Variants in LRP1B observed in about 807,000 individuals in gnomAD.
LRP1B encodes the protein low-density lipoprotein receptor-related protein 1B.
LRP1B carries 217 observed loss-of-function variants against 556.6 expected under a neutral mutation model. The observed-to-expected ratio is 0.39, with a 90% CI of 0.35 to 0.44. The LOEUF is 0.44. LRP1B is among the 20% of genes least tolerant of loss of function. The pLI is 1.00. For synonymous variants in LRP1B, 2,047 were observed against 1,865.8 expected (o/e 1.10, Z -2.50); for missense variants, 5,053 against 5,620.8 (o/e 0.90, Z 3.23).
At chr2:140,246,668 AGTCT>A (rs1322958812) in intron 87 of LRP1B, among the ~76,000 whole-genome samples, 16 of 151,498 alleles carry the variant, frequency 1.1e-4, no homozygotes, top group South Asian at 2.1e-4. Flanking sequence ...TAACCAATAA[AGTCT>A]GTCTTTCTCC....
At chr2:141,053,043 T>C (rs1441559146) in intron 10 of LRP1B, among the ~76,000 whole-genome samples, 1 of 152,062 alleles carries the variant, frequency 6.6e-6, no homozygotes, top group East Asian at 1.9e-4. Flanking sequence ...ATGTATGTTT[T>C]AAATAAGAAT....
rs760093928 is a variant in LRP1B at position 140,475,128 on chromosome 2, C to T, written c.9625+10G>A. ...GTAAAATACTAGAATATTTATGTTA[C>T]TGGACCAACCTTTGTGTCTATGAGA... On this transcript the variant is annotated intron_variant, in intron 60 of 90. Transcript: ENST00000389484. 2 of 1,476,742 alleles carry T rather than the reference C, an allele frequency of 1.4e-6. No homozygotes were observed. Among genetic ancestry groups the T allele is most frequent in the Non-Finnish European group, 1.8e-6 (2 of 1,101,670 alleles). The allele number at this position is 1,476,742 out of a possible 1,614,324, so 91.5% of individuals were successfully genotyped here. A position where few individuals can be genotyped will look rare whatever the true frequency, so the allele number is the denominator to read the frequency against.
chr2:140,421,685 T>C (rs1162392168), intron 66 of LRP1B, among the ~76,000 whole-genome samples: 2 of 152,240 alleles, frequency 1.3e-5, no homozygotes, highest in Non-Finnish European at 2.9e-5. Context: ...TAGGGTCTAA[T>C]GTAAGTTAAG....
At chr2:141,798,994 C>A (rs1220717932) in intron 2 of LRP1B, among the ~76,000 whole-genome samples, 1 of 152,012 alleles carries the variant, frequency 6.6e-6, no homozygotes, top group Non-Finnish European at 1.5e-5. Flanking sequence ...AAGACAGCCA[C>A]CTGCAAGCCA....
At chr2:140,456,389 A>G (rs2105321479) in intron 62 of LRP1B, 66 bp downstream of exon 62, 1 of 1,467,066 alleles carries the variant, frequency 6.8e-7, no homozygotes, top group Non-Finnish European at 9.3e-7. Flanking sequence ...ATTCAATGTT[A>G]TGCTAAACAA....
intron 3 of LRP1B, among the ~76,000 whole-genome samples, chr2:141,412,291 G>T (rs1159856642): frequency 1.3e-5 from 2 of 152,168 alleles, no homozygotes; most frequent in African/African-American, 4.8e-5. Flanking sequence ...AAGTTAATCA[G>T]ATTTCCACAC....
At chr2:140,386,873 G>A (rs544800224) in intron 66 of LRP1B, among the ~76,000 whole-genome samples, 1 of 152,150 alleles carries the variant, frequency 6.6e-6, no homozygotes, top group African/African-American at 2.4e-5. Context: ...ACTATGTATA[G>A]CTAAAACAGG....
intron 11 of LRP1B, among the ~76,000 whole-genome samples, chr2:141,039,627 G>A (rs1698638123): frequency 6.6e-6 from 1 of 151,916 alleles, no homozygotes; most frequent in South Asian, 2.1e-4. Context: ...GCTCACATGT[G>A]TATATACATA....
chr2:141,936,640 A>T (rs977112834), intron 1 of LRP1B, among the ~76,000 whole-genome samples: 1 of 152,176 alleles, frequency 6.6e-6, no homozygotes, highest in African/African-American at 2.4e-5. Flanking sequence ...ACGTATGGTA[A>T]TTATCAAACT....
At chr2:141,534,986 T>C (rs912024933) in intron 2 of LRP1B, among the ~76,000 whole-genome samples, 4 of 152,184 alleles carry the variant, frequency 2.6e-5, no homozygotes, top group East Asian at 1.9e-4. Flanking sequence ...AATTGGTTTC[T>C]AGCGTTATGA....
intron 5 of LRP1B, among the ~76,000 whole-genome samples, chr2:141,232,511 T>C (rs1364558116): frequency 1.3e-5 from 2 of 152,182 alleles, no homozygotes; most frequent in South Asian, 4.1e-4. Context: ...GAGGCCGGAA[T>C]ATAAAGGAGC....
chr2:141,333,045 A>G lies in LRP1B; in HGVS notation c.344-78404T>C, dbSNP rs150589863. ...TCTTTTTTTAACATTTTCAAAGTCA[A>G]CAAAAGCCCACAAATATAACATTTT... is the stretch of plus-strand genomic sequence containing the variant. On this transcript the variant is annotated intron_variant, in intron 3 of 90. Coordinates refer to ENST00000389484, the MANE Select transcript of LRP1B (RefSeq NM_018557.3). Among the ~76,000 whole-genome samples, 390 of 152,256 alleles carry G rather than the reference A, an allele frequency of 2.6e-3. 1 individual carries two copies. Among genetic ancestry groups the G allele is most frequent in the African/African-American group, 8.9e-3 (370 of 41,582 alleles).
At chr2:141,463,580 A>ATT (rs1178401574) in intron 3 of LRP1B, among the ~76,000 whole-genome samples, 7,333 of 56,334 alleles carry the variant, frequency 0.13, 522 homozygotes, top group South Asian at 0.18. Flanking sequence ...TATTATATAT[A>ATT]ATTATATATA....
chr2:140,733,050 A>G (rs2105503522), intron 35 of LRP1B, among the ~76,000 whole-genome samples: 1 of 152,210 alleles, frequency 6.6e-6, no homozygotes, highest in Middle Eastern at 3.4e-3. Context: ...CTGTTATATT[A>G]CCTTGAGCTA....
In LRP1B at chr2:140,769,244, A is replaced by T. The variant is rs538523946; in HGVS notation, c.5727T>A (p.Thr1909=). 1.2e-6 allele frequency: 2 copies of T among 1,612,302 alleles called. No homozygotes were observed. Among genetic ancestry groups the T allele is most frequent in the African/African-American group, 2.7e-5 (2 of 74,932 alleles). ...GGAAATCTATTCCCACGGCAAATGA[A>T]GTTCCTGATATAGGCATCAAAGCAT... ...KMDALMPISG[T]SFAVGIDFHA... Residue 1909 remains threonine, a synonymous_variant, in exon 35 of 91, where the codon ACT becomes ACA. Coordinates refer to ENST00000389484, the MANE Select transcript of LRP1B (RefSeq NM_018557.3).
chr2:141,949,921 A>G (rs1200436307), intron 1 of LRP1B, among the ~76,000 whole-genome samples: 3 of 152,178 alleles, frequency 2.0e-5, no homozygotes, highest in Admixed American at 6.6e-5. Context: ...TATCCTTCCT[A>G]TGAACTAATC....
At chr2:141,977,577 C>T (rs577695202) in intron 1 of LRP1B, among the ~76,000 whole-genome samples, 1 of 152,120 alleles carries the variant, frequency 6.6e-6, no homozygotes, top group African/African-American at 2.4e-5. Context: ...AAAGTGATTC[C>T]TACCTTTCAA....
At chr2:141,380,152 AG>A (rs1689583369) in intron 3 of LRP1B, among the ~76,000 whole-genome samples, 1 of 151,970 alleles carries the variant, frequency 6.6e-6, no homozygotes, top group Non-Finnish European at 1.5e-5. Flanking sequence ...CAGAGTCTAC[AG>A]AGAACAAAGC....
chr2:141,541,875 C>T (rs915767165), intron 2 of LRP1B, among the ~76,000 whole-genome samples: 1 of 152,074 alleles, frequency 6.6e-6, no homozygotes, highest in African/African-American at 2.4e-5. Flanking sequence ...GTGAGGAAAG[C>T]TAGAAATCTG....
Sources: gnomAD v4.1 joint callset for allele counts (sites outside exome capture counted in the v4.1 genomes callset) on GRCh38, gnomAD v4.1.1 for gene constraint, MANE v1.5 for transcripts, NCBI Gene and HGNC (gene_info 2026-07-23, HGNC 2026-07-21) for gene names.